PPFIA2: variants seen among roughly 807,000 people sequenced by gnomAD.
PPFIA2 encodes the protein PPFI scaffold protein A2.
A neutral mutation model predicts 175.5 loss-of-function variants in PPFIA2; 46 were observed. The observed-to-expected ratio is 0.26, with a 90% CI of 0.21 to 0.34. PPFIA2 has a LOEUF of 0.34. PPFIA2 is among the 10% of genes least tolerant of loss of function. The probability of loss-of-function intolerance (pLI) is 1.00; values close to 1 mark genes in which losing one functional copy is unlikely to be tolerated. For synonymous variants in PPFIA2, 568 were observed against 511.4 expected (o/e 1.11, Z -1.49); for missense variants, 1,179 against 1,506.1 (o/e 0.78, Z 3.60).
chr12:81,308,605 C>T (rs1482806465), intron 22 of PPFIA2, among the ~76,000 whole-genome samples: 1 of 152,176 alleles, frequency 6.6e-6, no homozygotes, highest in Non-Finnish European at 1.5e-5. Context: ...TAATGGTCCC[C>T]TACTTTTCTT....
intron 4 of PPFIA2, among the ~76,000 whole-genome samples, chr12:81,654,109 C>A (rs2067419845): frequency 1.3e-5 from 2 of 150,224 alleles, no homozygotes. Flanking sequence ...AAAAAAAAAT[C>A]ATCTGTAGAA....
chr12:81,521,278 C>A (rs1656748615), intron 4 of PPFIA2, among the ~76,000 whole-genome samples: 1 of 151,852 alleles, frequency 6.6e-6, no homozygotes, highest in Admixed American at 6.6e-5. Context: ...TGCATGCCCT[C>A]TTTAACAGCC....
chr12:81,322,822 G>A (rs1289580084), intron 22 of PPFIA2, among the ~76,000 whole-genome samples: 3 of 152,036 alleles, frequency 2.0e-5, no homozygotes, highest in Admixed American at 6.6e-5. Flanking sequence ...ACTAGTGGGT[G>A]GTTTAGCAGA....
intron 3 of PPFIA2, among the ~76,000 whole-genome samples, chr12:81,720,207 T>C (rs2079140344): frequency 6.6e-6 from 1 of 151,474 alleles, no homozygotes; most frequent in Admixed American, 6.6e-5. Flanking sequence ...TGTTACTCTC[T>C]TCTGTGCAGA....
chr12:81,478,345 A>G (rs1170136126), intron 4 of PPFIA2, among the ~76,000 whole-genome samples: 3 of 151,576 alleles, frequency 2.0e-5, no homozygotes, highest in Non-Finnish European at 4.4e-5. Context: ...TATTTTGTTA[A>G]TCTTTTCAAA....
At position 81,574,657 on chromosome 12, in the gene PPFIA2, A is replaced by C. The variant is rs77414954; in HGVS notation, c.303+102134T>G. Among the ~76,000 whole-genome samples the C allele has an allele frequency of 2.0e-3, 300 of 151,754 alleles. 9 individuals carry two copies. In the East Asian group the frequency reaches 0.055, roughly 28 times the overall value. ...CCCATGAATAACACAGGTGTAAATA[A>C]AATTTTGCCTGTAGTTACCATGGTG... is the stretch of plus-strand genomic sequence containing the variant. On this transcript the variant is annotated intron_variant, in intron 4 of 32. Coordinates refer to ENST00000549396, the MANE Select transcript of PPFIA2 (RefSeq NM_003625.5).
At chr12:81,740,639 C>T (rs994098885) in intron 3 of PPFIA2, among the ~76,000 whole-genome samples, 3 of 152,070 alleles carry the variant, frequency 2.0e-5, no homozygotes, top group Non-Finnish European at 4.4e-5. Flanking sequence ...GTTTCTGTTA[C>T]TGCATATAGA....
chr12:81,722,907 G>A (rs1304482083), intron 3 of PPFIA2, among the ~76,000 whole-genome samples: 2 of 150,958 alleles, frequency 1.3e-5, no homozygotes, highest in South Asian at 2.1e-4. Context: ...AGATTCATGA[G>A]GATGCATTTT....
chr12:81,429,205 C>T (rs940374164), intron 7 of PPFIA2, among the ~76,000 whole-genome samples: 1 of 151,908 alleles, frequency 6.6e-6, no homozygotes, highest in African/African-American at 2.4e-5. Flanking sequence ...GATAGACATA[C>T]AAAATTAAAT....
intron 22 of PPFIA2, 119 bp from the exon 23 acceptor site, chr12:81,299,501 A>G (rs2047297114): frequency 7.6e-7 from 1 of 1,309,130 alleles, no homozygotes. Context: ...ATGATACAAT[A>G]TAGAATAACA....
chr12:81,461,289 C>T (rs2054498741), intron 4 of PPFIA2, among the ~76,000 whole-genome samples: 1 of 152,036 alleles, frequency 6.6e-6, no homozygotes, highest in South Asian at 2.1e-4. Flanking sequence ...TGATGAATAA[C>T]TTGTTCAAGG....
At chr12:81,623,057 A>C (rs2062246686) in intron 4 of PPFIA2, among the ~76,000 whole-genome samples, 1 of 152,156 alleles carries the variant, frequency 6.6e-6, no homozygotes, top group African/African-American at 2.4e-5. Context: ...AAGAGAAACA[A>C]GATAGTGACT....
intron 3 of PPFIA2, among the ~76,000 whole-genome samples, chr12:81,740,567 C>T (rs1317512858): frequency 6.6e-6 from 1 of 152,138 alleles, no homozygotes; most frequent in African/African-American, 2.4e-5. Flanking sequence ...TGCTACCTTA[C>T]CCTCAAGCTG....
intron 4 of PPFIA2, among the ~76,000 whole-genome samples, chr12:81,624,960 C>G (rs557082121): frequency 6.6e-6 from 1 of 151,586 alleles, no homozygotes; most frequent in African/African-American, 2.4e-5. Flanking sequence ...TCCACTTGCA[C>G]CCCAAAAACT....
At chr12:81,485,286 T>C (rs2058691543) in intron 4 of PPFIA2, among the ~76,000 whole-genome samples, 1 of 151,804 alleles carries the variant, frequency 6.6e-6, no homozygotes, top group Admixed American at 6.6e-5. Context: ...TTATATCGTT[T>C]TTGTACAGGT....
chr12:81,358,343 C>T (rs1472037724), intron 15 of PPFIA2, 126 bp from the exon 16 acceptor site: 1 of 940,354 alleles, frequency 1.1e-6, no homozygotes, highest in Non-Finnish European at 1.6e-6. Context: ...AGAAAGATAA[C>T]CGATAAATTG....
intron 4 of PPFIA2, among the ~76,000 whole-genome samples, chr12:81,588,506 C>T (rs1380950929): frequency 6.6e-6 from 1 of 151,978 alleles, no homozygotes; most frequent in Admixed American, 6.6e-5. Flanking sequence ...TCAGGCAGAC[C>T]TCTTTCCTGA....
At chr12:81,673,149 A>T (rs2071759323) in intron 4 of PPFIA2, among the ~76,000 whole-genome samples, 1 of 151,954 alleles carries the variant, frequency 6.6e-6, no homozygotes, top group South Asian at 2.1e-4. Context: ...TTGTCTTAAA[A>T]ATTACACCTC....
chr12:81,456,899 T>C (rs1182380001), intron 5 of PPFIA2, among the ~76,000 whole-genome samples: 1 of 152,152 alleles, frequency 6.6e-6, no homozygotes, highest in East Asian at 1.9e-4. Context: ...GGCTGGACAT[T>C]CCCTTGGAAA....
Sources: allele counts gnomAD v4.1 joint callset (sites outside exome capture counted in the v4.1 genomes callset), GRCh38; gene constraint gnomAD v4.1.1; transcripts MANE v1.5; gene names NCBI Gene and HGNC (gene_info 2026-07-23, HGNC 2026-07-21).